CACNA2D3: variants seen among roughly 807,000 people sequenced by gnomAD.
CACNA2D3 encodes the protein calcium voltage-gated channel auxiliary subunit alpha2delta 3.
A neutral mutation model predicts 160.6 loss-of-function variants in CACNA2D3; 60 were observed. The observed-to-expected ratio is 0.37, with a 90% CI of 0.30 to 0.46. The LOEUF is 0.46. Ranked by LOEUF, CACNA2D3 falls within the 20% of genes least tolerant of loss-of-function variation. The probability of loss-of-function intolerance (pLI) is 1.00; values close to 1 mark genes in which losing one functional copy is unlikely to be tolerated. For synonymous variants in CACNA2D3, 558 were observed against 492.9 expected, an observed-to-expected ratio of 1.13 and a Z score of -1.75; for missense variants, 1,205 against 1,365.0, an observed-to-expected ratio of 0.88 and a Z score of 1.85.
At chr3:54,917,811 C>G (rs1526585) in intron 27 of CACNA2D3, among the ~76,000 whole-genome samples, 15 of 151,900 alleles carry the variant, frequency 9.9e-5, no homozygotes, top group African/African-American at 1.5e-4. Flanking sequence ...TCCTATTATC[C>G]GGACATGGAA....
intron 13 of CACNA2D3, among the ~76,000 whole-genome samples, chr3:54,810,229 A>G (rs984251437): frequency 2.6e-5 from 4 of 152,184 alleles, no homozygotes; most frequent in African/African-American, 9.7e-5. Context: ...ATACTTTCAG[A>G]TCATTCTGGG....
chr3:54,899,120 A>G (rs1475171564), intron 26 of CACNA2D3, among the ~76,000 whole-genome samples: 2 of 152,196 alleles, frequency 1.3e-5, no homozygotes, highest in Non-Finnish European at 2.9e-5. Context: ...TGGGCATTGG[A>G]CTAAATTATT....
At chr3:54,699,476 C>T (rs1345062326) in intron 11 of CACNA2D3, among the ~76,000 whole-genome samples, 1 of 152,164 alleles carries the variant, frequency 6.6e-6, no homozygotes, top group Non-Finnish European at 1.5e-5. Context: ...CAGAAGCCAG[C>T]GTTTCCTTCT....
chr3:54,628,869 C>T (rs1699176990), intron 10 of CACNA2D3, among the ~76,000 whole-genome samples: 1 of 151,438 alleles, frequency 6.6e-6, no homozygotes. Flanking sequence ...ATGGGCCATT[C>T]AGAAGTGTGG....
intron 13 of CACNA2D3, among the ~76,000 whole-genome samples, chr3:54,779,105 CTT>C (rs71294745): frequency 1.1e-3 from 163 of 148,736 alleles, no homozygotes; most frequent in African/African-American, 3.8e-3. Context: ...AACAGAAGGG[CTT>C]TTTTTTTTGA....
intron 11 of CACNA2D3, among the ~76,000 whole-genome samples, chr3:54,668,161 G>A (rs1700101476): frequency 6.6e-6 from 1 of 152,140 alleles, no homozygotes; most frequent in African/African-American, 2.4e-5. Context: ...AATCCTCTGA[G>A]CATGGGAGAG....
At chr3:54,884,054 G>C (rs938755815) in intron 21 of CACNA2D3, among the ~76,000 whole-genome samples, 6 of 152,062 alleles carry the variant, frequency 3.9e-5, no homozygotes, top group Non-Finnish European at 8.8e-5. Context: ...GCATATAGCA[G>C]ATGCTCAGTA....
At chr3:54,659,940 T>C (rs1698010894) in intron 11 of CACNA2D3, among the ~76,000 whole-genome samples, 1 of 152,154 alleles carries the variant, frequency 6.6e-6, no homozygotes, top group Admixed American at 6.5e-5. Flanking sequence ...GCATGGTGTC[T>C]GCATCCTCCC....
intron 2 of CACNA2D3, among the ~76,000 whole-genome samples, chr3:54,296,668 TAAA>T (rs1559913286): frequency 6.6e-6 from 1 of 152,266 alleles, no homozygotes; most frequent in South Asian, 2.1e-4. Flanking sequence ...CCCTCAAAAA[TAAA>T]AAGAGAGGCT....
chr3:54,781,995 G>A (rs1408738846), intron 13 of CACNA2D3, among the ~76,000 whole-genome samples: 1 of 152,178 alleles, frequency 6.6e-6, no homozygotes, highest in Admixed American at 6.5e-5. Flanking sequence ...TTGGGTGTTT[G>A]CAGAGAAAGG....
At chr3:54,678,249 A>T (rs1700278250) in intron 11 of CACNA2D3, among the ~76,000 whole-genome samples, 1 of 152,186 alleles carries the variant, frequency 6.6e-6, no homozygotes, top group African/African-American at 2.4e-5. Context: ...TGGAGAAGTT[A>T]AAGTGCCTTC....
At chr3:55,052,804 G>T (rs1320640179) in intron 35 of CACNA2D3, among the ~76,000 whole-genome samples, 2 of 152,070 alleles carry the variant, frequency 1.3e-5, no homozygotes, top group East Asian at 3.8e-4. Flanking sequence ...TATAGCTACT[G>T]CAGGTTCATT....
At chr3:54,174,195 T>C (rs897698964) in intron 2 of CACNA2D3, among the ~76,000 whole-genome samples, 22 of 152,152 alleles carry the variant, frequency 1.4e-4, no homozygotes, top group Admixed American at 2.6e-4. Context: ...TATGGCCCCA[T>C]GGAGGAATTT....
intron 2 of CACNA2D3, among the ~76,000 whole-genome samples, chr3:54,172,011 A>G (rs919661970): frequency 3.9e-5 from 6 of 152,258 alleles, no homozygotes; most frequent in Admixed American, 6.5e-5. Flanking sequence ...GCCAAAGAGA[A>G]AGCTCTCTCT....
chr3:54,315,200 C>T (rs1466407173), intron 2 of CACNA2D3, among the ~76,000 whole-genome samples: 2 of 152,120 alleles, frequency 1.3e-5, no homozygotes, highest in African/African-American at 4.8e-5. Flanking sequence ...AATTGAGGTT[C>T]CAGGGCCCCC....
At chr3:54,498,427 T>G (rs2106935631) in intron 4 of CACNA2D3, among the ~76,000 whole-genome samples, 1 of 152,102 alleles carries the variant, frequency 6.6e-6, no homozygotes, top group South Asian at 2.1e-4. Flanking sequence ...TGGAGTAATG[T>G]TTCCTCTTTC....
intron 13 of CACNA2D3, among the ~76,000 whole-genome samples, chr3:54,783,084 A>G (rs1702564894): frequency 6.6e-6 from 1 of 152,114 alleles, no homozygotes; most frequent in Non-Finnish European, 1.5e-5. Flanking sequence ...ATGGAATTCA[A>G]CCTTGGGTCT....
chr3:54,284,081 C>A (rs1482613824), intron 2 of CACNA2D3, among the ~76,000 whole-genome samples: 1 of 151,954 alleles, frequency 6.6e-6, no homozygotes, highest in African/African-American at 2.4e-5. Flanking sequence ...AAAACAAAAA[C>A]AAAACAAAAC....
At chr3:54,294,774 C>A (rs1030763860) in intron 2 of CACNA2D3, among the ~76,000 whole-genome samples, 3 of 152,154 alleles carry the variant, frequency 2.0e-5, no homozygotes, top group Non-Finnish European at 2.9e-5. Context: ...CTGGAGATTG[C>A]CTGGACTGCA....
Sources: gnomAD v4.1 joint callset for allele counts (sites outside exome capture counted in the v4.1 genomes callset) on GRCh38, gnomAD v4.1.1 for gene constraint, MANE v1.5 for transcripts, NCBI Gene and HGNC (gene_info 2026-07-23, HGNC 2026-07-21) for gene names.